The following EPB41L4A variants were observed in gnomAD, a reference collection of about 807,000 sequenced individuals.
EPB41L4A encodes the protein band 4.1-like protein 4A.
A neutral mutation model predicts 108.6 loss-of-function variants in EPB41L4A; 100 were observed. That is an observed-to-expected ratio of 0.92 (90% CI 0.78 to 1.09). The LOEUF (loss-of-function observed/expected upper bound fraction) is 1.09, where lower values mean the gene tolerates loss of function less well. Ranked by LOEUF, EPB41L4A falls within the 50% of genes least tolerant of loss-of-function variation. EPB41L4A has a pLI of 0.00. For missense variants in EPB41L4A, 1,030 were observed against 842.7 expected, an observed-to-expected ratio of 1.22 and a Z score of -2.75; for synonymous variants, 319 against 289.0, an observed-to-expected ratio of 1.10 and a Z score of -1.05.
chr5:112,166,247 A>C (rs1348069632), intron 22 of EPB41L4A, among the ~76,000 whole-genome samples: 6 of 152,238 alleles, frequency 3.9e-5, no homozygotes, highest in African/African-American at 1.2e-4. Flanking sequence ...GGAAATTAGA[A>C]CTTAAAGTTG....
intron 12 of EPB41L4A, among the ~76,000 whole-genome samples, chr5:112,147,229 C>T (rs907812628): frequency 1.3e-5 from 2 of 152,138 alleles, no homozygotes; most frequent in Admixed American, 1.3e-4. Context: ...ACTTCAAGTA[C>T]GATCTATAAA....
intron 1 of EPB41L4A, among the ~76,000 whole-genome samples, chr5:112,339,518 A>ATATCTATATC (rs1757158742): frequency 2.7e-5 from 1 of 37,192 alleles, no homozygotes; most frequent in African/African-American, 8.6e-5. Flanking sequence ...ATAGATATAT[A>ATATCTATATC]GATATATATC....
At chr5:112,363,094 T>C (rs375816255) in intron 1 of EPB41L4A, among the ~76,000 whole-genome samples, 23 of 152,268 alleles carry the variant, frequency 1.5e-4, no homozygotes, top group African/African-American at 5.5e-4. Flanking sequence ...GAAAATGTCC[T>C]GTACACAAGT....
intron 12 of EPB41L4A, among the ~76,000 whole-genome samples, chr5:112,155,994 T>C (rs1759633576): frequency 6.6e-6 from 1 of 152,098 alleles, no homozygotes; most frequent in Non-Finnish European, 1.5e-5. Flanking sequence ...GTCTCATCCA[T>C]AAACAGAACT....
intron 1 of EPB41L4A, among the ~76,000 whole-genome samples, chr5:112,372,236 G>C (rs533734706): frequency 6.6e-6 from 1 of 152,206 alleles, no homozygotes; most frequent in East Asian, 1.9e-4. Flanking sequence ...CTTTTCACAC[G>C]GTGAAAGGAT....
At chr5:112,249,099 A>G (rs1750453793) in intron 9 of EPB41L4A, 1 of 152,216 alleles carries the variant, frequency 6.6e-6, no homozygotes, top group Non-Finnish European at 1.5e-5. Flanking sequence ...CTTCTAAGAA[A>G]AGTAAAATGC....
chr5:112,393,999 T>C (rs1175881483), intron 1 of EPB41L4A, among the ~76,000 whole-genome samples: 6 of 152,280 alleles, frequency 3.9e-5, no homozygotes, highest in Non-Finnish European at 8.8e-5. Context: ...CACATGATTA[T>C]CTCAACAGAT....
At chr5:112,210,020 A>G in intron 12 of EPB41L4A, 38 bp from the exon 13 acceptor site, 2 of 1,213,426 alleles carry the variant, frequency 1.6e-6, no homozygotes, top group Non-Finnish European at 2.4e-6. Flanking sequence ...AAGAGAGAGG[A>G]AACAGTGATA....
chr5:112,165,716 G>A (rs1309312868), intron 22 of EPB41L4A, among the ~76,000 whole-genome samples: 1 of 152,076 alleles, frequency 6.6e-6, no homozygotes, highest in Non-Finnish European at 1.5e-5. Context: ...TTCCAAGGAT[G>A]GTCTAACATT....
intron 1 of EPB41L4A, among the ~76,000 whole-genome samples, chr5:112,417,885 A>G (rs549272717): frequency 1.3e-5 from 2 of 152,342 alleles, no homozygotes; most frequent in Admixed American, 1.3e-4. Context: ...TTTAGCCAGG[A>G]ATAGTTATCC....
chr5:112,198,818 A>G (rs1277120573), intron 15 of EPB41L4A, among the ~76,000 whole-genome samples: 1 of 151,866 alleles, frequency 6.6e-6, no homozygotes, highest in African/African-American at 2.4e-5. Flanking sequence ...TTGTATTGAT[A>G]GAAATTCATG....
chr5:112,313,106 A>C (rs1366591088), intron 1 of EPB41L4A, among the ~76,000 whole-genome samples: 1 of 152,240 alleles, frequency 6.6e-6, no homozygotes, highest in Non-Finnish European at 1.5e-5. Context: ...AATAAATGCC[A>C]GAAGAAAGGA....
chr5:112,190,575 T>C (rs928899787), intron 17 of EPB41L4A, among the ~76,000 whole-genome samples: 6 of 152,192 alleles, frequency 3.9e-5, no homozygotes, highest in African/African-American at 1.4e-4. Flanking sequence ...GGAGATGCCG[T>C]AGCAGTGAGT....
chr5:112,311,443 G>A (rs1324701746), intron 1 of EPB41L4A, among the ~76,000 whole-genome samples: 2 of 152,104 alleles, frequency 1.3e-5, no homozygotes, highest in African/African-American at 4.8e-5. Flanking sequence ...AAAAGATACT[G>A]AGTATCTCAC....
rs1230237223 is a variant in EPB41L4A at position 112,339,480 on chromosome 5, A to ATC, written c.100-31991_100-31990insGA. 9.6e-3 allele frequency among the ~76,000 whole-genome samples: 316 copies of ATC among 32,958 alleles called. 3 individuals carry two copies. Among genetic ancestry groups the ATC allele is most frequent in the African/African-American group, 0.031 (270 of 8,702 alleles). 21.6% of individuals were successfully genotyped at this position (32,958 alleles called of 152,430 possible). On this transcript the variant is annotated intron_variant, in intron 1 of 22. Coordinates refer to ENST00000261486, the MANE Select transcript of EPB41L4A (RefSeq NM_022140.5). ...GCTATAGATATATATATATCTATATATATATATATATATATCTATATATAT... is the reference window on the plus strand; with the variant it reads ...GCTATAGATATATATATATCTATATATCTATATATATATATATCTATATATAT...
At chr5:112,342,078 A>C (rs1191261480) in intron 1 of EPB41L4A, among the ~76,000 whole-genome samples, 1 of 152,234 alleles carries the variant, frequency 6.6e-6, no homozygotes, top group Non-Finnish European at 1.5e-5. Context: ...ACTCTGTCAC[A>C]GAAATATATT....
intron 2 of EPB41L4A, among the ~76,000 whole-genome samples, chr5:112,306,235 A>G (rs1206400095): frequency 1.3e-5 from 2 of 152,168 alleles, no homozygotes; most frequent in Non-Finnish European, 2.9e-5. Flanking sequence ...CTTTCTGTAT[A>G]GATTTACAGT....
chr5:112,407,060 C>T (rs1484430091), intron 1 of EPB41L4A, among the ~76,000 whole-genome samples: 3 of 151,976 alleles, frequency 2.0e-5, no homozygotes, highest in Non-Finnish European at 4.4e-5. Flanking sequence ...GAGGATCAGA[C>T]AGTAGAACTA....
In EPB41L4A at chr5:112,218,337, G is replaced by A. The variant is rs1340928340; in HGVS notation, c.1088-8355C>T. Among the ~76,000 whole-genome samples, 5 of 152,192 alleles carry A rather than the reference G, an allele frequency of 3.3e-5. No individual in the cohort carries two copies. The East Asian group carries it at 9.6e-4, about 29-fold the overall frequency. On this transcript the variant is annotated intron_variant, in intron 12 of 22. Coordinates refer to ENST00000261486, the MANE Select transcript of EPB41L4A (RefSeq NM_022140.5). ...AACACCTATCTATGAATGGTCAGCTGGAATCAAGAGGTGTCACGAGTCACT... is the reference window on the plus strand; with the variant it reads ...AACACCTATCTATGAATGGTCAGCTAGAATCAAGAGGTGTCACGAGTCACT...
Sources: allele counts gnomAD v4.1 joint callset (sites outside exome capture counted in the v4.1 genomes callset), GRCh38; gene constraint gnomAD v4.1.1; transcripts MANE v1.5; gene names NCBI Gene and HGNC (gene_info 2026-07-23, HGNC 2026-07-21).